The following MARCHF3 variants were observed in gnomAD, a reference collection of about 807,000 sequenced individuals.
MARCHF3 encodes membrane associated ring-CH-type finger 3, also known as E3 ubiquitin-protein ligase MARCHF3.
MARCHF3 carries 13 observed loss-of-function variants against 24.2 expected under a neutral mutation model. The observed-to-expected ratio is 0.54, with a 90% CI of 0.35 to 0.85. MARCHF3 has a LOEUF of 0.85. MARCHF3 is among the 40% of genes least tolerant of loss of function. MARCHF3 has a pLI of 0.01. For missense variants in MARCHF3, 276 were observed against 325.0 expected (o/e 0.85, Z 1.16); for synonymous variants, 144 against 137.3 (o/e 1.05, Z -0.34).
At chr5:126,964,544 G>T (rs957007229) in intron 1 of MARCHF3, among the ~76,000 whole-genome samples, 1 of 152,142 alleles carries the variant, frequency 6.6e-6, no homozygotes, top group African/African-American at 2.4e-5. Context: ...TATGGTACAT[G>T]CCTTTGGTAA....
At chr5:126,932,087 TTG>T (rs556347594) in intron 1 of MARCHF3, among the ~76,000 whole-genome samples, 266 of 152,294 alleles carry the variant, frequency 1.7e-3, no homozygotes, top group African/African-American at 6.1e-3. Flanking sequence ...GCTGCAAGGA[TTG>T]TGTTAGGGCC....
intron 3 of MARCHF3, among the ~76,000 whole-genome samples, chr5:126,907,004 G>T (rs369124676): frequency 0.011 from 1,690 of 151,920 alleles, 15 homozygotes; most frequent in Middle Eastern, 0.02. Flanking sequence ...TCCCAGAGAT[G>T]CTGGTATGTT....
At chr5:127,001,900 T>C (rs1191187610) in intron 1 of MARCHF3, among the ~76,000 whole-genome samples, 1 of 152,230 alleles carries the variant, frequency 6.6e-6, no homozygotes, top group East Asian at 1.9e-4. Flanking sequence ...AGTGATCTCA[T>C]GGCATCACTA....
chr5:126,936,238 C>T (rs1007733322), intron 1 of MARCHF3, among the ~76,000 whole-genome samples: 1 of 152,034 alleles, frequency 6.6e-6, no homozygotes, highest in African/African-American at 2.4e-5. Context: ...AATGTTTGAG[C>T]CTTTTTAAAA....
At chr5:126,976,883 T>C (rs780371302) in intron 1 of MARCHF3, among the ~76,000 whole-genome samples, 1 of 152,196 alleles carries the variant, frequency 6.6e-6, no homozygotes, top group African/African-American at 2.4e-5. Flanking sequence ...GCTTTCCTGA[T>C]CTGGTTTACA....
intron 1 of MARCHF3, among the ~76,000 whole-genome samples, chr5:126,948,570 C>T (rs1363891602): frequency 2.0e-5 from 3 of 152,124 alleles, no homozygotes; most frequent in African/African-American, 4.8e-5. Context: ...CTGAAAGCAG[C>T]GTGAAGTCAG....
chr5:126,872,073 TC>T (rs1471213091), intron 4 of MARCHF3, among the ~76,000 whole-genome samples: 2 of 116,208 alleles, frequency 1.7e-5, no homozygotes, highest in Non-Finnish European at 3.6e-5. Context: ...GAGATCCTTG[TC>T]TTTTTTTTTT....
At chr5:126,970,562 G>A (rs1379188966) in intron 1 of MARCHF3, among the ~76,000 whole-genome samples, 2 of 151,840 alleles carry the variant, frequency 1.3e-5, no homozygotes, top group African/African-American at 4.8e-5. Context: ...AACATCTAAT[G>A]TGTTTGTGAT....
At chr5:126,879,183 A>G (rs73335444) in intron 3 of MARCHF3, among the ~76,000 whole-genome samples, 19,969 of 152,224 alleles carry the variant, frequency 0.13, 3,301 homozygotes, top group African/African-American at 0.39. Context: ...ACTCCACTAG[A>G]AAAGGACACA....
intron 2 of MARCHF3, among the ~76,000 whole-genome samples, chr5:126,916,688 G>GACACACACACACACACAC (rs756972169): frequency 4.3e-4 from 33 of 76,496 alleles, no homozygotes; most frequent in African/African-American, 1.3e-3. Context: ...CAGACAGACA[G>GACACACACACACACACAC]ACAGACACAC....
At chr5:126,955,315 G>A (rs1369711949) in intron 1 of MARCHF3, among the ~76,000 whole-genome samples, 1 of 152,188 alleles carries the variant, frequency 6.6e-6, no homozygotes, top group Non-Finnish European at 1.5e-5. Flanking sequence ...GAACATCCTT[G>A]TACAGGGCTT....
intron 3 of MARCHF3, among the ~76,000 whole-genome samples, chr5:126,894,325 C>T (rs1753797221): frequency 6.7e-6 from 1 of 150,106 alleles, no homozygotes; most frequent in South Asian, 2.2e-4. Context: ...GAATTTGATC[C>T]TGTCATTATG....
intron 1 of MARCHF3, among the ~76,000 whole-genome samples, chr5:126,992,945 TG>T (rs1751822482): frequency 6.6e-6 from 1 of 152,118 alleles, no homozygotes; most frequent in South Asian, 2.1e-4. Flanking sequence ...CTAATTTTTT[TG>T]TATTTTTAGT....
At chr5:126,923,949 T>C (rs1444886036) in intron 1 of MARCHF3, among the ~76,000 whole-genome samples, 1 of 152,068 alleles carries the variant, frequency 6.6e-6, no homozygotes, top group African/African-American at 2.4e-5. Flanking sequence ...ATTCACTATT[T>C]TTTTTTTTGA....
chr5:127,005,219 C>T lies in MARCHF3; in HGVS notation c.-57+25131G>A, dbSNP rs375728766. 2.6e-4 allele frequency among the ~76,000 whole-genome samples: 39 copies of T among 150,800 alleles called. 1 individual carries two copies. The highest frequency in any genetic ancestry group is 9.6e-4 in the African/African-American group (39 of 40,686). ...TGGCACGATCTCAGCTCACTGCAAC[C>T]TCCATCACCCGGGTTCAAGCAATTC... On this transcript the variant is annotated intron_variant, in intron 1 of 4. Transcript: ENST00000308660.
intron 4 of MARCHF3, among the ~76,000 whole-genome samples, chr5:126,876,878 G>A (rs1753178116): frequency 6.6e-6 from 1 of 152,114 alleles, no homozygotes; most frequent in African/African-American, 2.4e-5. Flanking sequence ...TCGAACTTCT[G>A]ACCTCAAGTG....
At chr5:126,979,906 C>T (rs551238808) in intron 1 of MARCHF3, among the ~76,000 whole-genome samples, 39 of 145,832 alleles carry the variant, frequency 2.7e-4, no homozygotes, top group African/African-American at 9.6e-4. Context: ...CGAGATTGCA[C>T]CATTGCACTC....
chr5:126,923,109 T>C (rs1329447136), intron 1 of MARCHF3, among the ~76,000 whole-genome samples: 1 of 152,156 alleles, frequency 6.6e-6, no homozygotes, highest in African/African-American at 2.4e-5. Flanking sequence ...CATTTACCTA[T>C]GTAACAAACA....
chr5:127,010,391 T>A (rs1752437294), intron 1 of MARCHF3, among the ~76,000 whole-genome samples: 1 of 152,200 alleles, frequency 6.6e-6, no homozygotes, highest in South Asian at 2.1e-4. Context: ...CCAACCTCTG[T>A]CAACTCACAT....
Sources: allele counts gnomAD v4.1 joint callset (sites outside exome capture counted in the v4.1 genomes callset), GRCh38; gene constraint gnomAD v4.1.1; transcripts MANE v1.5; gene names NCBI Gene and HGNC (gene_info 2026-07-23, HGNC 2026-07-21).